Variants in CBLL1 observed in about 807,000 individuals in gnomAD.
CBLL1 encodes the protein Cbl proto-oncogene like 1.
Under a neutral mutation model 44.9 loss-of-function variants are expected in CBLL1, and 4 were observed. That is an observed-to-expected ratio of 0.09 (90% CI 0.04 to 0.20). CBLL1 has a LOEUF of 0.20. CBLL1 is among the 10% of genes least tolerant of loss of function. The probability of loss-of-function intolerance (pLI) is 1.00; values close to 1 mark genes in which losing one functional copy is unlikely to be tolerated. For synonymous variants in CBLL1, 235 were observed against 202.2 expected (o/e 1.16, Z -1.38); for missense variants, 569 against 636.7 (o/e 0.89, Z 1.14).
chr7:107,756,082 T>A (rs941898319), intron 5 of CBLL1, among the ~76,000 whole-genome samples: 2 of 152,094 alleles, frequency 1.3e-5, no homozygotes, highest in Non-Finnish European at 2.9e-5. Flanking sequence ...CATTACATAG[T>A]CTCAAACAAG....
chr7:107,753,842 T>C (rs1190112549), intron 3 of CBLL1, 53 bp from the exon 4 acceptor site: 8 of 1,154,012 alleles, frequency 6.9e-6, no homozygotes, highest in Admixed American at 6.6e-5. Flanking sequence ...ATTGTGTAGA[T>C]ACAATCTTTA....
In CBLL1 at chr7:107,758,400, C is replaced by G. The variant is rs140545696; in HGVS notation, c.698C>G (p.Pro233Arg). 1 of 1,613,934 alleles carries G rather than the reference C, an allele frequency of 6.2e-7. No individual in the cohort carries two copies. Residue 233 changes from proline (P) to arginine (R), a missense_variant, in exon 6 of 6, where the codon CCG (proline) becomes CGG (arginine). Pro to Arg is a moderately radical substitution (Grantham distance 103). Transcript: ENST00000440859. The surrounding 1 kb of genome is among the most constrained non-coding windows in gnomAD (Gnocchi z 4.2). ...GACAAGCACCATATGAGCCATATTC[C>G]GCCAAAGCAGCACATCATGATGCCA... Reference protein sequence around the residue: ...PPDKHHMSHIPPKQHIMMPPP... With the variant: ...PPDKHHMSHIRPKQHIMMPPP...
intron 5 of CBLL1, among the ~76,000 whole-genome samples, chr7:107,757,891 T>G (rs534630317): frequency 6.6e-6 from 1 of 152,074 alleles, no homozygotes; most frequent in Non-Finnish European, 1.5e-5. Context: ...TTGGGAAGAA[T>G]GAGGTCTCTT....
At chr7:107,750,792 C>A (rs140231900) in intron 2 of CBLL1, among the ~76,000 whole-genome samples, 2 of 152,280 alleles carry the variant, frequency 1.3e-5, no homozygotes, top group African/African-American at 4.8e-5. Context: ...TGGAACACAG[C>A]TATGCTCATT....
intron 1 of CBLL1, among the ~76,000 whole-genome samples, chr7:107,745,606 T>C (rs1792977275): frequency 6.6e-6 from 1 of 152,136 alleles, no homozygotes; most frequent in Non-Finnish European, 1.5e-5. Flanking sequence ...GGCTGTTCTA[T>C]GAAGAATGGT....
rs765878302 is a variant in CBLL1 at position 107,753,930 on chromosome 7, T to C, written c.318T>C (p.Val106=). 6.3e-7 allele frequency: 1 copy of C among 1,597,556 alleles called. No homozygotes were observed. The part of the protein sequence containing the change: ...NILGEKDDTP[V]HFCDKCGLPI... ...TAGGTGAAAAGGATGATACACCAGT[T>C]CATTTCTGTGACAAGTGTGGATTGC... Residue 106 remains valine, a synonymous_variant, in exon 4 of 6, where the codon GTT becomes GTC. Transcript: ENST00000440859.
At chr7:107,749,921 C>CGT (rs1379513032) in intron 2 of CBLL1, among the ~76,000 whole-genome samples, 1 of 147,172 alleles carries the variant, frequency 6.8e-6, no homozygotes, top group Admixed American at 6.9e-5. Context: ...TATGTATGTG[C>CGT]GTGTGTGTAT....
intron 1 of CBLL1, among the ~76,000 whole-genome samples, chr7:107,748,515 C>T (rs1793116125): frequency 6.6e-6 from 1 of 151,752 alleles, no homozygotes; most frequent in Non-Finnish European, 1.5e-5. Flanking sequence ...CTCCTTCTTA[C>T]TCTTTTTCTT....
intron 1 of CBLL1, among the ~76,000 whole-genome samples, chr7:107,746,070 G>C (rs1793000765): frequency 6.6e-6 from 1 of 152,196 alleles, no homozygotes; most frequent in Non-Finnish European, 1.5e-5. Flanking sequence ...CCTAGAACGA[G>C]GCTGTAAAGA....
At chr7:107,745,805 G>A (rs1792985834) in intron 1 of CBLL1, among the ~76,000 whole-genome samples, 1 of 152,200 alleles carries the variant, frequency 6.6e-6, no homozygotes, top group Non-Finnish European at 1.5e-5. Context: ...CCATTATTGA[G>A]CTGAGGAAAA....
In CBLL1 at chr7:107,759,264, G is replaced by T; in HGVS notation, c.*86G>T. Reference sequence around the variant, plus strand: ...AAGCTTTGACTGTTTTGGGAAGGAAGAGTACCTCTTATCGAGGTAGTATAA... The same window carrying T: ...AAGCTTTGACTGTTTTGGGAAGGAATAGTACCTCTTATCGAGGTAGTATAA... On this transcript the variant is annotated 3_prime_UTR_variant, in exon 6 of 6. Transcript: ENST00000440859. 8.3e-7 allele frequency: 1 copy of T among 1,197,878 alleles called. No homozygotes were observed. Among genetic ancestry groups the T allele is most frequent in the Non-Finnish European group, 1.2e-6 (1 of 856,138 alleles). 74.2% of individuals were successfully genotyped at this position (1,197,878 alleles called of 1,614,324 possible). A position where few individuals can be genotyped will look rare whatever the true frequency, so the allele number is the denominator to read the frequency against.
chr7:107,757,053 T>C (rs1793558055), intron 5 of CBLL1, among the ~76,000 whole-genome samples: 1 of 152,016 alleles, frequency 6.6e-6, no homozygotes, highest in South Asian at 2.1e-4. Context: ...ATAACATCAA[T>C]AAGGAGTGCC....
intron 1 of CBLL1, chr7:107,744,417 G>T: frequency 2.2e-6 from 1 of 457,064 alleles, no homozygotes. Flanking sequence ...GTTCTGCTGA[G>T]CTCCGAGCCC....
In CBLL1 at chr7:107,758,701, T is replaced by C. The variant is rs778265986; in HGVS notation, c.999T>C (p.His333=). ...QGQPVVSHPH[H]IMPPQQHYAP... is the part of the protein sequence containing the mutation. ...AACCAGTGGTATCGCACCCTCATCATATTATGCCTCCACAGCAACATTATG... is the reference window on the plus strand; with the variant it reads ...AACCAGTGGTATCGCACCCTCATCACATTATGCCTCCACAGCAACATTATG... Residue 333 remains histidine (H), a synonymous_variant, in exon 6 of 6, where the codon CAT becomes CAC. Coordinates refer to ENST00000440859, the MANE Select transcript of CBLL1 (RefSeq NM_024814.4). The surrounding 1 kb of genome is among the most constrained non-coding windows in gnomAD (Gnocchi z 4.2). 3 of 1,613,898 alleles carry C rather than the reference T, an allele frequency of 1.9e-6. No homozygotes were observed. The highest frequency in any genetic ancestry group is 1.1e-5 in the South Asian group (1 of 91,056).
rs1343188479 is a variant in CBLL1, at chr7:107,759,318, G to A, written c.*140G>A. On this transcript the variant is annotated 3_prime_UTR_variant, in exon 6 of 6. Transcript: ENST00000440859. ...ACATAGGGTCTTGTTTCTTAAAATG[G>A]TTTTAAATCTTGACCTTAAGATTGA... 2 of 735,842 alleles carry A rather than the reference G, an allele frequency of 2.7e-6. No homozygotes were observed. 45.6% of individuals were successfully genotyped at this position (735,842 alleles called of 1,614,324 possible). A position where few individuals can be genotyped will look rare whatever the true frequency, so the allele number is the denominator to read the frequency against.
intron 2 of CBLL1, 23 bp from the exon 3 acceptor site, chr7:107,753,387 TG>T (rs752490719): frequency 7.7e-5 from 113 of 1,465,914 alleles, no homozygotes; most frequent in Admixed American, 1.3e-4. Context: ...GGAAAGTTAA[TG>T]GGCAATACTT....
chr7:107,752,485 C>A, intron 2 of CBLL1: 1 of 755,214 alleles, frequency 1.3e-6, no homozygotes, highest in Non-Finnish European at 2.0e-6. Context: ...TGTATAGGTG[C>A]TGTAATTTAG....
intron 2 of CBLL1, chr7:107,752,730 C>T: frequency 2.7e-6 from 1 of 364,428 alleles, no homozygotes; most frequent in South Asian, 2.6e-5. Flanking sequence ...AAATTGAGCC[C>T]CTTTCATCTT....
intron 1 of CBLL1, among the ~76,000 whole-genome samples, chr7:107,748,438 A>G (rs1016309380): frequency 6.6e-6 from 1 of 152,202 alleles, no homozygotes. Flanking sequence ...TCAGTTTACT[A>G]AATTTATTTT....
Sources: gnomAD v4.1 joint callset for allele counts (sites outside exome capture counted in the v4.1 genomes callset) on GRCh38, gnomAD v4.1.1 for gene constraint, Gnocchi (gnomAD v3.1) non-coding constraint, MANE v1.5 for transcripts, NCBI Gene and HGNC (gene_info 2026-07-23, HGNC 2026-07-21) for gene names.